Variants in C11orf97 observed in about 807,000 individuals in gnomAD.
C11orf97 encodes the protein chromosome 11 open reading frame 97.
C11orf97 carries 15 observed loss-of-function variants against 16.2 expected under a neutral mutation model. The observed-to-expected ratio is 0.93, with a 90% CI of 0.62 to 1.43. The LOEUF (loss-of-function observed/expected upper bound fraction) is 1.43, where lower values mean the gene tolerates loss of function less well. Among genes scored for constraint, C11orf97 ranks in the 40% most tolerant of loss-of-function variants. The pLI is 0.00. For missense variants in C11orf97, 171 were observed against 161.2 expected (o/e 1.06, Z -0.33); for synonymous variants, 61 against 65.7 (o/e 0.93, Z 0.34).
rs528565932 is a variant in C11orf97 at position 94,532,010 on chromosome 11, G to A, written c.*110G>A. 2.2e-5 allele frequency: 18 copies of A among 824,018 alleles called. No homozygotes were observed. Among genetic ancestry groups the A allele is most frequent in the Non-Finnish European group, 3.2e-5 (18 of 570,868 alleles). The allele number at this position is 824,018 out of a possible 1,614,324, so 51.0% of individuals were successfully genotyped here. On this transcript the variant is annotated 3_prime_UTR_variant, in exon 4 of 4. Transcript: ENST00000542198. ...TTAAGATGTGTGCAAAAAAATGATA[G>A]CCTGTAATTACTATTATTGGTATTA...
intron 3 of C11orf97, among the ~76,000 whole-genome samples, chr11:94,528,671 C>T (rs925860355): frequency 1.3e-5 from 2 of 152,128 alleles, no homozygotes; most frequent in Non-Finnish European, 2.9e-5. Context: ...CAGACTGGGC[C>T]CAGGATACCA....
chr11:94,522,561 C>T (rs1947666864), intron 2 of C11orf97, among the ~76,000 whole-genome samples: 2 of 151,154 alleles, frequency 1.3e-5, no homozygotes, highest in African/African-American at 4.9e-5. Context: ...ACAAACAAAA[C>T]AATTGACACC....
intron 1 of C11orf97, among the ~76,000 whole-genome samples, chr11:94,515,973 C>G (rs1029304767): frequency 2.6e-5 from 4 of 152,142 alleles, no homozygotes; most frequent in African/African-American, 9.7e-5. Context: ...TTTGTGAACC[C>G]TTTTTCTGCC....
At chr11:94,521,618 A>G (rs753801940) in intron 2 of C11orf97, among the ~76,000 whole-genome samples, 13 of 152,142 alleles carry the variant, frequency 8.5e-5, no homozygotes, top group African/African-American at 2.4e-5. Flanking sequence ...TTTATTGGCT[A>G]TCTCTCCCAC....
chr11:94,517,508 T>A lies in C11orf97; in HGVS notation c.146-75T>A, dbSNP rs1056636201. 4 of 784,342 alleles carry A rather than the reference T, an allele frequency of 5.1e-6. No homozygotes were observed. In the African/African-American group the frequency reaches 7.2e-5, roughly 14 times the overall value. 48.6% of individuals were successfully genotyped at this position (784,342 alleles called of 1,614,324 possible). On this transcript the variant is annotated intron_variant, in intron 1 of 3. Coordinates refer to ENST00000542198, the MANE Select transcript of C11orf97 (RefSeq NM_001190462.2). ...ACATGTCTTCTTTTAAAAAAATTGT[T>A]ATCATGTAGATATAATGGCTAGAAG...
At chr11:94,518,546 C>T (rs1306363013) in intron 2 of C11orf97, among the ~76,000 whole-genome samples, 1 of 152,112 alleles carries the variant, frequency 6.6e-6, no homozygotes, top group East Asian at 1.9e-4. Flanking sequence ...GGATTTCATC[C>T]CGTAGAGGAT....
At chr11:94,531,072 A>G (rs1173904139) in intron 3 of C11orf97, among the ~76,000 whole-genome samples, 4 of 152,192 alleles carry the variant, frequency 2.6e-5, no homozygotes, top group African/African-American at 9.7e-5. Flanking sequence ...TTTAAAGTTT[A>G]AATTTAGAAT....
chr11:94,512,535 G>C lies in C11orf97; in HGVS notation c.7G>C (p.Gly3Arg). The C allele has an allele frequency of 3.1e-6, 4 of 1,309,794 alleles. No individual in the cohort carries two copies. Among genetic ancestry groups the C allele is most frequent in the Non-Finnish European group, 3.9e-6 (4 of 1,028,764 alleles). The allele number at this position is 1,309,794 out of a possible 1,614,324, so 81.1% of individuals were successfully genotyped here. A position where few individuals can be genotyped will look rare whatever the true frequency, so the allele number is the denominator to read the frequency against. MTGEEAVVVTAVV... is the reference protein window; with the variant it reads MTREEAVVVTAVV... ...CTCGGAAGACCGCTGCGGCATGACA[G>C]GCGAGGAGGCGGTGGTGGTGACCGC... Residue 3 changes from glycine (G) to arginine (R), a missense_variant, in exon 1 of 4, where the codon GGC becomes CGC. Gly to Arg is a moderately radical substitution (Grantham distance 125). Coordinates refer to ENST00000542198, the MANE Select transcript of C11orf97 (RefSeq NM_001190462.2).
intron 3 of C11orf97, among the ~76,000 whole-genome samples, chr11:94,530,384 A>G (rs766247244): frequency 2.0e-5 from 3 of 152,200 alleles, no homozygotes; most frequent in South Asian, 2.1e-4. Flanking sequence ...TACAATCACA[A>G]TTGATCAATC....
intron 2 of C11orf97, among the ~76,000 whole-genome samples, chr11:94,526,812 G>C (rs918084299): frequency 1.3e-5 from 2 of 152,192 alleles, no homozygotes; most frequent in Admixed American, 1.3e-4. Flanking sequence ...AATCTTCCTT[G>C]AAGGTCTTTG....
chr11:94,523,743 G>A (rs531166925), intron 2 of C11orf97, among the ~76,000 whole-genome samples: 5 of 152,214 alleles, frequency 3.3e-5, no homozygotes, highest in Non-Finnish European at 7.3e-5. Flanking sequence ...ACCGTTGGTT[G>A]CATAGCTAGC....
chr11:94,527,947 T>G, intron 2 of C11orf97, 137 bp from the exon 3 acceptor site: 1 of 723,356 alleles, frequency 1.4e-6, no homozygotes, highest in African/African-American at 1.8e-5. Flanking sequence ...GATAAAGATT[T>G]GAGTGGTTTG....
At chr11:94,527,742 A>G (rs1373959580) in intron 2 of C11orf97, among the ~76,000 whole-genome samples, 1 of 152,208 alleles carries the variant, frequency 6.6e-6, no homozygotes, top group Admixed American at 6.5e-5. Context: ...TGTAGGAATT[A>G]AATCAGAATC....
intron 2 of C11orf97, among the ~76,000 whole-genome samples, chr11:94,518,525 A>G (rs1216862783): frequency 3.9e-5 from 6 of 152,028 alleles, no homozygotes; most frequent in African/African-American, 1.4e-4. Flanking sequence ...TTACATGGTC[A>G]GATCATCCAA....
chr11:94,512,546 G>C lies in C11orf97; in HGVS notation c.18G>C (p.Ala6=). The C allele has an allele frequency of 1.5e-6, 2 of 1,312,302 alleles. No homozygotes were observed. The highest frequency in any genetic ancestry group is 9.7e-7 in the Non-Finnish European group (1 of 1,029,684). The allele number at this position is 1,312,302 out of a possible 1,614,324, so 81.3% of individuals were successfully genotyped here. The part of the protein sequence containing the change: MTGEE[A]VVVTAVVAPK... ...GCTGCGGCATGACAGGCGAGGAGGC[G>C]GTGGTGGTGACCGCAGTGGTGGCGC... Residue 6 remains alanine (A), a synonymous_variant, in exon 1 of 4, where the codon GCG becomes GCC. Transcript: ENST00000542198.
chr11:94,521,388 G>C (rs1204635861), intron 2 of C11orf97, among the ~76,000 whole-genome samples: 4 of 152,202 alleles, frequency 2.6e-5, no homozygotes, highest in South Asian at 4.1e-4. Flanking sequence ...ATTCTCCTTT[G>C]CAATGCTGGG....
At chr11:94,519,199 C>G (rs575221692) in intron 2 of C11orf97, among the ~76,000 whole-genome samples, 2 of 152,164 alleles carry the variant, frequency 1.3e-5, no homozygotes, top group Non-Finnish European at 2.9e-5. Flanking sequence ...TGAGCCACCA[C>G]GCCCGGCCCC....
At chr11:94,520,002 G>A (rs1054525885) in intron 2 of C11orf97, among the ~76,000 whole-genome samples, 1 of 152,196 alleles carries the variant, frequency 6.6e-6, no homozygotes, top group Non-Finnish European at 1.5e-5. Context: ...TCACATACGT[G>A]CAGAATTCTG....
chr11:94,516,854 G>T (rs676521), intron 1 of C11orf97, among the ~76,000 whole-genome samples: 44,728 of 152,078 alleles, frequency 0.29, 6,792 homozygotes, highest in Non-Finnish European at 0.33. Context: ...TGAACAGAAG[G>T]GCCATGTGTC....
Sources: gnomAD v4.1 joint callset for allele counts (sites outside exome capture counted in the v4.1 genomes callset) on GRCh38, gnomAD v4.1.1 for gene constraint, MANE v1.5 for transcripts, NCBI Gene and HGNC (gene_info 2026-07-23, HGNC 2026-07-21) for gene names.